The following EPB41L4B variants were observed in gnomAD, a reference collection of about 807,000 sequenced individuals.
EPB41L4B encodes the protein erythrocyte membrane protein band 4.1 like 4B, also known as band 4.1-like protein 4B.
A neutral mutation model predicts 112.5 loss-of-function variants in EPB41L4B; 30 were observed. That is an observed-to-expected ratio of 0.27 (90% confidence interval 0.20 to 0.36). EPB41L4B has a LOEUF of 0.36. Ranked by LOEUF, EPB41L4B falls within the 10% of genes least tolerant of loss-of-function variation. The pLI is 1.00. For missense variants in EPB41L4B, 1,024 were observed against 1,133.3 expected, an observed-to-expected ratio of 0.90 and a Z score of 1.38; for synonymous variants, 408 against 439.7, an observed-to-expected ratio of 0.93 and a Z score of 0.90.
intron 15 of EPB41L4B, among the ~76,000 whole-genome samples, chr9:109,218,244 G>C (rs1391191778): frequency 1.4e-5 from 2 of 145,046 alleles, no homozygotes; most frequent in Non-Finnish European, 3.0e-5. Context: ...TCATGCCTCA[G>C]CCTCCTGAGT....
chr9:109,207,858 T>C, intron 18 of EPB41L4B, 66 bp downstream of exon 18: 2 of 1,601,180 alleles, frequency 1.2e-6, no homozygotes, highest in Non-Finnish European at 1.7e-6. Context: ...CGGTGCCTCT[T>C]TCTTCTCTGT....
At chr9:109,313,751 A>C (rs569471887) in intron 1 of EPB41L4B, among the ~76,000 whole-genome samples, 6 of 152,194 alleles carry the variant, frequency 3.9e-5, no homozygotes, top group Non-Finnish European at 7.3e-5. Flanking sequence ...GGAAATGTAG[A>C]GAGGAGAGCC....
chr9:109,264,278 A>G (rs999734173), intron 5 of EPB41L4B, among the ~76,000 whole-genome samples: 1 of 152,264 alleles, frequency 6.6e-6, no homozygotes, highest in Non-Finnish European at 1.5e-5. Flanking sequence ...ATTCAAAATC[A>G]GAACGTATTC....
intron 15 of EPB41L4B, chr9:109,241,648 G>A: frequency 6.2e-7 from 1 of 1,613,838 alleles, no homozygotes. Context: ...ATGGAAGAGA[G>A]ATGCTTCAGT....
chr9:109,283,234 CCT>C (rs933492547), intron 1 of EPB41L4B, among the ~76,000 whole-genome samples: 5 of 152,130 alleles, frequency 3.3e-5, no homozygotes, highest in African/African-American at 1.2e-4. Context: ...AGGGTTCTCC[CCT>C]GACTTGTGTA....
intron 16 of EPB41L4B, among the ~76,000 whole-genome samples, chr9:109,215,366 A>G (rs12005924): frequency 0.39 from 57,486 of 148,536 alleles, 11,346 homozygotes; most frequent in Middle Eastern, 0.47. Context: ...TGCAACCTCC[A>G]CCTCCCAGGT....
chr9:109,223,244 G>C (rs536172717), intron 15 of EPB41L4B, among the ~76,000 whole-genome samples: 3 of 151,880 alleles, frequency 2.0e-5, no homozygotes, highest in African/African-American at 7.3e-5. Flanking sequence ...GTTCGAGACC[G>C]GGCAACATGG....
At chr9:109,270,123 C>T (rs1383792172) in intron 2 of EPB41L4B, among the ~76,000 whole-genome samples, 1 of 152,004 alleles carries the variant, frequency 6.6e-6, no homozygotes, top group African/African-American at 2.4e-5. Flanking sequence ...ACCTAAATGT[C>T]CATCAACAAA....
intron 15 of EPB41L4B, among the ~76,000 whole-genome samples, chr9:109,227,583 TC>T (rs949506227): frequency 4.6e-5 from 7 of 151,692 alleles, no homozygotes; most frequent in Admixed American, 6.6e-5. Flanking sequence ...TTATTACATA[TC>T]CCCCCCTTTT....
rs140811436 is a variant in EPB41L4B at position 109,238,351 on chromosome 9, G to A, written c.1409+5267C>T. Among the ~76,000 whole-genome samples the A allele has an allele frequency of 3.0e-4, 45 of 152,272 alleles. No individual in the cohort carries two copies. In the East Asian group the frequency reaches 4.2e-3, roughly 14 times the overall value. ...TCAGATGATGAAACTGAATCTAGAA[G>A]TCACATGGTGGTCAGTGTCCTACTC... On this transcript the variant is annotated intron_variant, in intron 15 of 25. Coordinates refer to ENST00000374566, the MANE Select transcript of EPB41L4B (RefSeq NM_019114.5).
At chr9:109,199,541 T>C (rs1466560677) in intron 20 of EPB41L4B, among the ~76,000 whole-genome samples, 3 of 152,084 alleles carry the variant, frequency 2.0e-5, no homozygotes, top group Non-Finnish European at 4.4e-5. Context: ...TATTGGCTTA[T>C]ACCTGTAATC....
intron 1 of EPB41L4B, among the ~76,000 whole-genome samples, chr9:109,314,634 A>AC (rs371227056): frequency 0.02 from 2,687 of 131,372 alleles, 55 homozygotes; most frequent in African/African-American, 0.069. Context: ...CCCCTCTCTC[A>AC]CCCCCCCCCA....
chr9:109,249,760 G>A (rs536646505), intron 13 of EPB41L4B, among the ~76,000 whole-genome samples: 165 of 152,202 alleles, frequency 1.1e-3, no homozygotes, highest in Admixed American at 3.5e-3. Context: ...TGAATCTAGG[G>A]ACCTACAACT....
At chr9:109,190,215 A>G (rs562131763) in intron 22 of EPB41L4B, among the ~76,000 whole-genome samples, 2 of 152,340 alleles carry the variant, frequency 1.3e-5, no homozygotes, top group Non-Finnish European at 2.9e-5. Flanking sequence ...GTGGGGCCTC[A>G]GGAGTCTCAT....
intron 15 of EPB41L4B, among the ~76,000 whole-genome samples, chr9:109,217,998 C>G (rs1833436723): frequency 6.6e-6 from 1 of 152,046 alleles, no homozygotes; most frequent in South Asian, 2.1e-4. Context: ...CCTGCTGGCT[C>G]TCCCCGTCTC....
rs973375632 is a variant in EPB41L4B, at chr9:109,289,760, A to G, written c.307-9839T>C. On this transcript the variant is annotated intron_variant, in intron 1 of 25. Transcript: ENST00000374566. ...GCTAACAAAATGCTATGCCTTTTAT[A>G]TACAAAATGCTAACAAGTCCTAGGT... 3.9e-5 allele frequency among the ~76,000 whole-genome samples: 6 copies of G among 152,246 alleles called. 1 individual carries two copies. Among genetic ancestry groups the G allele is most frequent in the Non-Finnish European group, 8.8e-5 (6 of 68,050 alleles).
At chr9:109,257,110 G>C (rs1443523788) in intron 7 of EPB41L4B, among the ~76,000 whole-genome samples, 1 of 152,210 alleles carries the variant, frequency 6.6e-6, no homozygotes, top group Non-Finnish European at 1.5e-5. Flanking sequence ...TGTGGGTGGG[G>C]TGTGCCATAC....
intron 2 of EPB41L4B, 35 bp downstream of exon 2, chr9:109,279,782 A>C (rs367732645): frequency 9.6e-6 from 15 of 1,564,660 alleles, no homozygotes; most frequent in Non-Finnish European, 1.3e-5. Flanking sequence ...ATGAAAAGCC[A>C]ATCTGTTCTG....
At position 109,203,717 on chromosome 9, in the gene EPB41L4B, T is replaced by A. The variant is rs1280133969; in HGVS notation, c.1892A>T (p.Glu631Val). ...SRVNIQGGKE[E>V]SPFVNINKKS... ...CTTATTGATATTTACAAACGGTGAT[T>A]CCTCCTTTCCACCCTGTTAAAGAAA... The change falls in exon 19 of 26, where the codon GAA becomes GTA. Residue 631 changes from glutamate to valine, a missense_variant. Physicochemically the swap from Glu to Val is moderately radical, Grantham distance 121 (BLOSUM62 -2). Transcript: ENST00000374566. The A allele has an allele frequency of 6.2e-7, 1 of 1,613,756 alleles. No individual in the cohort carries two copies. Among genetic ancestry groups the A allele is most frequent in the East Asian group, 2.2e-5 (1 of 44,878 alleles).
Sources: allele counts gnomAD v4.1 joint callset (sites outside exome capture counted in the v4.1 genomes callset), GRCh38; gene constraint gnomAD v4.1.1; transcripts MANE v1.5; gene names NCBI Gene and HGNC (gene_info 2026-07-23, HGNC 2026-07-21).